Variants in DISP1 observed in about 807,000 individuals in gnomAD.
DISP1 encodes the protein dispatched RND transporter family member 1, also known as protein dispatched homolog 1.
Under a neutral mutation model 37.3 loss-of-function variants are expected in DISP1, and 30 were observed. The ratio of observed to expected loss-of-function variants is 0.80; its 90% CI spans 0.60 to 1.09. The LOEUF is 1.09. Ranked by LOEUF, DISP1 falls within the 50% of genes least tolerant of loss-of-function variation. The pLI is 0.00. For synonymous variants in DISP1, 634 were observed against 690.2 expected (o/e 0.92, Z 1.28); for missense variants, 1,598 against 1,879.5 (o/e 0.85, Z 2.77).
chr1:222,837,086 G>A (rs1381278005), intron 1 of DISP1: 4 of 398,430 alleles, frequency 1.0e-5, no homozygotes, highest in African/African-American at 2.1e-5. Context: ...GGTAGATTGG[G>A]CCCAGTAAGT....
At chr1:222,983,892 A>G (rs1678025455) in intron 4 of DISP1, among the ~76,000 whole-genome samples, 1 of 152,202 alleles carries the variant, frequency 6.6e-6, no homozygotes, top group Non-Finnish European at 1.5e-5. Context: ...TTTTCTCATC[A>G]GATGTCCTTA....
rs1177270282 is a variant in DISP1, at chr1:223,004,595, C to G, written c.3198C>G (p.Pro1066=). 2 of 1,614,130 alleles carry G rather than the reference C, an allele frequency of 1.2e-6. No individual in the cohort carries two copies. Among genetic ancestry groups the G allele is most frequent in the Middle Eastern group, 3.3e-4 (2 of 6,062 alleles). Residue 1066 remains proline (P), a synonymous_variant, in exon 9 of 9, where the codon CCC becomes CCG. Coordinates refer to ENST00000675850, the MANE Select transcript of DISP1 (RefSeq NM_001377229.1). The surrounding 1 kb of genome is among the most constrained non-coding windows in gnomAD (Gnocchi z 4.9). ...YGVAYRLAPD[P]DREGKVIFSL... ...TTGCCTACCGCTTGGCTCCAGATCC[C>G]GACCGAGAAGGCAAAGTGATCTTCT...
intron 1 of DISP1, among the ~76,000 whole-genome samples, chr1:222,891,333 A>G (rs138809997): frequency 6.6e-6 from 1 of 152,334 alleles, no homozygotes; most frequent in East Asian, 1.9e-4. Flanking sequence ...TTTCCTACCT[A>G]TAGCTGTGAT....
At chr1:222,971,206 A>G (rs1368651839) in intron 3 of DISP1, among the ~76,000 whole-genome samples, 1 of 152,086 alleles carries the variant, frequency 6.6e-6, no homozygotes, top group Non-Finnish European at 1.5e-5. Flanking sequence ...GAGAAAGTTT[A>G]GATCAGGAAG....
At chr1:222,847,430 G>T (rs1372194355) in intron 1 of DISP1, among the ~76,000 whole-genome samples, 2 of 152,164 alleles carry the variant, frequency 1.3e-5, no homozygotes, top group African/African-American at 4.8e-5. Flanking sequence ...GGTTTTGTCA[G>T]TGGAGAGAGC....
Position 222,845,126 on chromosome 1 carries a change from C to T in DISP1, c.-159+30048C>T, listed in dbSNP as rs139644947. Among the ~76,000 whole-genome samples the T allele has an allele frequency of 5.0e-3, 761 of 152,188 alleles. 5 individuals are homozygous for T. The highest frequency in any genetic ancestry group is 0.015 in the African/African-American group (638 of 41,528). ...ACTTAAAATATTAGGTTGGTGCAAA[C>T]GCAGTTGCAGTTTTTGCCATTGCTA... On this transcript the variant is annotated intron_variant, in intron 1 of 8. Coordinates refer to ENST00000675850, the MANE Select transcript of DISP1 (RefSeq NM_001377229.1).
intron 1 of DISP1, among the ~76,000 whole-genome samples, chr1:222,833,376 ATGGTATTTAG>A (rs1343705623): frequency 6.6e-6 from 1 of 152,186 alleles, no homozygotes; most frequent in African/African-American, 2.4e-5. Flanking sequence ...GTTCTGATCA[ATGGTATTTAG>A]TGGTATTTAA....
intron 1 of DISP1, among the ~76,000 whole-genome samples, chr1:222,886,408 A>G (rs929326772): frequency 7.2e-5 from 11 of 152,224 alleles, no homozygotes; most frequent in Non-Finnish European, 1.3e-4. Context: ...AGCATCTACT[A>G]TGTGCTTAAA....
intron 1 of DISP1, among the ~76,000 whole-genome samples, chr1:222,883,836 T>C (rs948004961): frequency 2.6e-5 from 4 of 152,342 alleles, no homozygotes; most frequent in African/African-American, 9.6e-5. Context: ...CAGTATACTG[T>C]GTTTGCTTAC....
intron 1 of DISP1, among the ~76,000 whole-genome samples, chr1:222,907,231 G>A (rs528028759): frequency 9.9e-5 from 15 of 152,148 alleles, no homozygotes; most frequent in Non-Finnish European, 2.1e-4. Context: ...ATAATCAGAA[G>A]GGCTTCCATT....
At chr1:222,935,888 A>G (rs932972515) in intron 2 of DISP1, among the ~76,000 whole-genome samples, 2 of 152,146 alleles carry the variant, frequency 1.3e-5, no homozygotes, top group Non-Finnish European at 2.9e-5. Flanking sequence ...CTTTGTACAA[A>G]TTGTGTGTCA....
intron 1 of DISP1, among the ~76,000 whole-genome samples, chr1:222,918,298 A>G (rs1672607810): frequency 6.6e-6 from 1 of 152,180 alleles, no homozygotes; most frequent in African/African-American, 2.4e-5. Flanking sequence ...CAAACCCACT[A>G]AGATTCCCAC....
intron 3 of DISP1, among the ~76,000 whole-genome samples, chr1:222,966,862 T>TG (rs1553252559): frequency 3.9e-5 from 6 of 151,910 alleles, no homozygotes; most frequent in African/African-American, 1.5e-4. Context: ...ATTTAAGAAC[T>TG]CCCCCCACCA....
chr1:222,901,238 G>A (rs957033670), intron 1 of DISP1, among the ~76,000 whole-genome samples: 11 of 152,114 alleles, frequency 7.2e-5, no homozygotes, highest in Admixed American at 2.6e-4. Flanking sequence ...ACTTGAGGAC[G>A]AAGGATTTGT....
At chr1:222,887,030 A>ATATG (rs1172708377) in intron 1 of DISP1, among the ~76,000 whole-genome samples, 1 of 152,222 alleles carries the variant, frequency 6.6e-6, no homozygotes, top group East Asian at 1.9e-4. Flanking sequence ...ACAACTTTAC[A>ATATG]TAAACACAAA....
At chr1:222,979,627 C>G in intron 3 of DISP1, 1 of 470,944 alleles carries the variant, frequency 2.1e-6, no homozygotes, top group Admixed American at 2.3e-5. Context: ...TGTAGATTCA[C>G]CAGAAAAACT....
chr1:222,830,928 G>A (rs1000448205), intron 1 of DISP1: 1 of 152,114 alleles, frequency 6.6e-6, no homozygotes, highest in Non-Finnish European at 1.5e-5. Flanking sequence ...TTTTGTTTTA[G>A]GGATAATGGG....
At chr1:222,984,413 A>ATATAT (rs1409829092) in intron 4 of DISP1, among the ~76,000 whole-genome samples, 1 of 55,222 alleles carries the variant, frequency 1.8e-5, no homozygotes, top group African/African-American at 5.8e-5. Context: ...CAAAAAAAAA[A>ATATAT]AAAAAAAAAT....
intron 1 of DISP1, among the ~76,000 whole-genome samples, chr1:222,901,672 C>A (rs1055795831): frequency 6.6e-6 from 1 of 152,130 alleles, no homozygotes; most frequent in Non-Finnish European, 1.5e-5. Context: ...GGATTGCAGG[C>A]ATCCACCACA....
Sources: gnomAD v4.1 joint callset for allele counts (sites outside exome capture counted in the v4.1 genomes callset) on GRCh38, gnomAD v4.1.1 for gene constraint, Gnocchi (gnomAD v3.1) non-coding constraint, MANE v1.5 for transcripts, NCBI Gene and HGNC (gene_info 2026-07-23, HGNC 2026-07-21) for gene names.